Variants in CCDC141 observed in about 807,000 individuals in gnomAD.
The protein encoded by CCDC141 is coiled-coil domain containing 141.
In CCDC141, 168 loss-of-function variants were observed where a neutral mutation model predicts 181.0. That is an observed-to-expected ratio of 0.93 (90% confidence interval 0.82 to 1.05). The LOEUF is 1.05. Among genes scored for constraint, CCDC141 ranks in the 50% least tolerant of loss-of-function variants. The pLI is 0.00. For missense variants in CCDC141, 1,902 were observed against 1,788.5 expected (o/e 1.06, Z -1.14); for synonymous variants, 666 against 642.3 (o/e 1.04, Z -0.56).
At chr2:178,930,258 G>T (rs1342789048) in intron 6 of CCDC141, among the ~76,000 whole-genome samples, 2 of 152,026 alleles carry the variant, frequency 1.3e-5, no homozygotes, top group Admixed American at 1.3e-4. Context: ...TAATCAAGGA[G>T]ATGGAAAACT....
At chr2:178,978,271 T>G (rs1691212510) in intron 3 of CCDC141, among the ~76,000 whole-genome samples, 1 of 152,222 alleles carries the variant, frequency 6.6e-6, no homozygotes, top group Non-Finnish European at 1.5e-5. Flanking sequence ...GTTATTTAAC[T>G]GTACTTTGTT....
chr2:178,835,989 A>G (rs1466083652), intron 23 of CCDC141: 1 of 152,646 alleles, frequency 6.6e-6, no homozygotes, highest in African/African-American at 2.4e-5. Flanking sequence ...CAATGGGCAC[A>G]CACAATAACT....
rs1177629918 is a variant in CCDC141 at position 178,837,613 on chromosome 2, T to A, written c.3606A>T (p.Ser1202=). 1.2e-6 allele frequency: 2 copies of A among 1,614,054 alleles called. No homozygotes were observed. Among genetic ancestry groups the A allele is most frequent in the Non-Finnish European group, 1.7e-6 (2 of 1,179,968 alleles). ...GTGAGACACACTCATATTCTTCCCC[T>A]GAGAGCATGTCTTCAGGCAGGAGCA... ...QDLLLPEDML[S]GEEYECVSPD... Residue 1202 remains serine, a synonymous_variant, in exon 23 of 24, where the codon TCA becomes TCT. Coordinates refer to ENST00000443758, the MANE Select transcript of CCDC141 (RefSeq NM_173648.4).
chr2:178,925,504 G>C (rs1449279259), intron 6 of CCDC141, among the ~76,000 whole-genome samples: 2 of 152,146 alleles, frequency 1.3e-5, no homozygotes, highest in African/African-American at 4.8e-5. Context: ...ATAGTGATTG[G>C]AGCACAAATG....
At position 178,897,025 on chromosome 2, in the gene CCDC141, C is replaced by G. The variant is rs371835506; in HGVS notation, c.1265+8304G>C. On this transcript the variant is annotated intron_variant, in intron 8 of 23. Coordinates refer to ENST00000443758, the MANE Select transcript of CCDC141 (RefSeq NM_173648.4). ...CTGTGGCACCCTTACTATTATTGCT[C>G]TGCCTGTTCCACTCATCTCCTAGCT... Among the ~76,000 whole-genome samples the G allele has an allele frequency of 3.3e-5, 5 of 152,050 alleles. No homozygotes were observed. The East Asian group carries it at 5.8e-4, about 18-fold the overall frequency.
At chr2:178,916,883 A>G (rs1320437683) in intron 7 of CCDC141, among the ~76,000 whole-genome samples, 2 of 152,022 alleles carry the variant, frequency 1.3e-5, no homozygotes, top group African/African-American at 4.8e-5. Flanking sequence ...CTCTACTCCA[A>G]TCTGACCTGA....
chr2:179,029,442 T>C (rs1162466668), intron 2 of CCDC141, among the ~76,000 whole-genome samples: 5 of 152,214 alleles, frequency 3.3e-5, no homozygotes, highest in African/African-American at 1.2e-4. Context: ...AGATTAAATA[T>C]CTAATGCATC....
chr2:178,962,709 C>A (rs180847629), intron 4 of CCDC141, among the ~76,000 whole-genome samples: 2 of 151,188 alleles, frequency 1.3e-5, no homozygotes, highest in Non-Finnish European at 3.0e-5. Context: ...ACACTTACAA[C>A]AATGGCACCC....
At chr2:178,895,483 G>T (rs879906746) in intron 8 of CCDC141, among the ~76,000 whole-genome samples, 30 of 152,086 alleles carry the variant, frequency 2.0e-4, no homozygotes, top group Admixed American at 1.6e-3. Flanking sequence ...CATTCATATT[G>T]CCGTGATAAA....
chr2:178,881,190 A>C (rs34447229), intron 11 of CCDC141, among the ~76,000 whole-genome samples: 41,112 of 152,062 alleles, frequency 0.27, 6,360 homozygotes, highest in African/African-American at 0.4. Flanking sequence ...TATTCCACTT[A>C]TGTGAAATAT....
intron 10 of CCDC141, among the ~76,000 whole-genome samples, chr2:178,885,934 C>T (rs1042659787): frequency 6.6e-5 from 10 of 152,032 alleles, no homozygotes; most frequent in Admixed American, 2.0e-4. Flanking sequence ...AGGAAGGAAG[C>T]GGGGAATTTC....
intron 19 of CCDC141, 83 bp downstream of exon 19, chr2:178,855,264 G>T: frequency 1.9e-6 from 2 of 1,066,518 alleles, no homozygotes; most frequent in Non-Finnish European, 2.8e-6. Context: ...GAGAATAACA[G>T]CTAATGCAAC....
intron 4 of CCDC141, among the ~76,000 whole-genome samples, chr2:178,965,630 G>C (rs549731446): frequency 6.6e-5 from 10 of 152,316 alleles, no homozygotes; most frequent in Admixed American, 1.3e-4. Context: ...CAAACCAGGA[G>C]ATTCCCTCCA....
rs1313347069 is a variant in CCDC141 at position 178,837,227 on chromosome 2, GCT to G, written c.3990_3991del (p.Arg1330SerfsTer22). 3 of 1,614,032 alleles carry G rather than the reference GCT, an allele frequency of 1.9e-6. No homozygotes were observed. Among genetic ancestry groups the G allele is most frequent in the Admixed American group, 1.7e-5 (1 of 60,014 alleles). ...CTGAGCCTGAGGGTGCTGCTGTAAA[GCT>G]CTCTCATGCACTTCACTCATCATGC... On this transcript the variant is annotated frameshift_variant, in exon 23 of 24. Transcript: ENST00000443758. LOFTEE classifies it high-confidence loss of function.
chr2:179,025,524 G>A (rs2042816702), intron 2 of CCDC141, among the ~76,000 whole-genome samples: 1 of 152,166 alleles, frequency 6.6e-6, no homozygotes, highest in African/African-American at 2.4e-5. Context: ...CCATGATTGT[G>A]AGGCCTCCCC....
At chr2:178,892,860 C>T (rs544630745) in intron 8 of CCDC141, among the ~76,000 whole-genome samples, 57 of 152,244 alleles carry the variant, frequency 3.7e-4, no homozygotes, top group African/African-American at 1.2e-3. Flanking sequence ...GAACCAAAAA[C>T]GTGGTGGCCT....
chr2:178,964,614 G>A (rs1286170841), intron 4 of CCDC141, among the ~76,000 whole-genome samples: 1 of 152,172 alleles, frequency 6.6e-6, no homozygotes, highest in Non-Finnish European at 1.5e-5. Flanking sequence ...CTGCTACCAC[G>A]ATGGCTGTTG....
the CCDC141 span, chr2:178,817,530 G>A: frequency 2.1e-6 from 1 of 471,008 alleles, no homozygotes; most frequent in Non-Finnish European, 4.4e-6. Context: ...ACCTACTTCA[G>A]TATCTCCAGG....
chr2:179,011,450 A>G (rs1195341430), intron 2 of CCDC141, among the ~76,000 whole-genome samples: 2 of 152,192 alleles, frequency 1.3e-5, no homozygotes, highest in African/African-American at 2.4e-5. Context: ...CGTACCTAAC[A>G]TTGGAGCTCC....
Sources: gnomAD v4.1 joint callset for allele counts (sites outside exome capture counted in the v4.1 genomes callset) on GRCh38, gnomAD v4.1.1 for gene constraint, MANE v1.5 for transcripts, NCBI Gene and HGNC (gene_info 2026-07-23, HGNC 2026-07-21) for gene names.